The following TAL1 variants were observed in gnomAD, a reference collection of about 807,000 sequenced individuals.
The protein encoded by TAL1 is TAL bHLH transcription factor 1, erythroid differentiation factor, also known as T-cell acute lymphocytic leukemia protein 1.
A neutral mutation model predicts 17.9 loss-of-function variants in TAL1; 8 were observed. That is an observed-to-expected ratio of 0.45 (90% CI 0.26 to 0.81). The LOEUF is 0.81. TAL1 is among the 30% of genes least tolerant of loss of function. The pLI is 0.17. For missense variants in TAL1, 466 were observed against 486.9 expected (o/e 0.96, Z 0.40); for synonymous variants, 223 against 218.6 (o/e 1.02, Z -0.18).
upstream of TAL1, among the ~76,000 whole-genome samples, chr1:47,231,880 A>G (rs1644020206): frequency 6.6e-6 from 1 of 152,126 alleles, no homozygotes; most frequent in African/African-American, 2.4e-5. Flanking sequence ...CACAACCACG[A>G]AGAAGAAATG....
chr1:47,231,220 C>T (rs1644007720), upstream of TAL1: 1 of 182,230 alleles, frequency 5.5e-6, no homozygotes, highest in African/African-American at 2.3e-5. Flanking sequence ...AGCCGCCGAC[C>T]GGGCGCTGTC....
At chr1:47,218,303 C>A (rs1338400486) in exon 4 of TAL1, 1 of 232,894 alleles carries the variant, frequency 4.3e-6, no homozygotes. Context: ...CTTAAGAAAA[C>A]CACATCCCAC....
intron 1 of TAL1, among the ~76,000 whole-genome samples, chr1:47,226,964 A>G (rs1254300047): frequency 1.3e-5 from 2 of 152,212 alleles, no homozygotes; most frequent in African/African-American, 2.4e-5. Context: ...GTTCAAGTAA[A>G]CATTATTAAC....
chr1:47,225,720 G>A (rs1023479855), exon 2 of TAL1: 10 of 1,482,206 alleles, frequency 6.7e-6, no homozygotes, highest in Non-Finnish European at 8.0e-6. Flanking sequence ...GGGCCTCCGC[G>A]CGCGCCCAGT....
chr1:47,223,584 T>A (rs1431973781), intron 3 of TAL1: 1 of 160,220 alleles, frequency 6.2e-6, no homozygotes, highest in African/African-American at 2.4e-5. Context: ...AAGGAAGACT[T>A]GGGAGGAAGT....
chr1:47,219,864 C>T, exon 4 of TAL1: 2 of 1,592,958 alleles, frequency 1.3e-6, no homozygotes, highest in Non-Finnish European at 1.7e-6. Context: ...TGGGGGAAAG[C>T]ACGTCTTGCA....
chr1:47,218,099 G>C (rs1569880059), exon 4 of TAL1: 5 of 259,824 alleles, frequency 1.9e-5, no homozygotes, highest in Admixed American at 1.6e-4. Flanking sequence ...AAACTATAAG[G>C]GGGGGCTTTC....
At chr1:47,217,231 A>G in exon 4 of TAL1, 1 of 300,486 alleles carries the variant, frequency 3.3e-6, no homozygotes, top group Non-Finnish European at 6.1e-6. Context: ...AAAAAAAAAA[A>G]GTAAAAATTA....
At chr1:47,217,307 G>T (rs1402327481) in exon 4 of TAL1, 1 of 385,114 alleles carries the variant, frequency 2.6e-6, no homozygotes, top group Non-Finnish European at 4.6e-6. Context: ...AGGATTGCTT[G>T]AGCCCAGAGT....
upstream of TAL1, chr1:47,231,252 G>A (rs2148598159): frequency 5.3e-6 from 1 of 187,388 alleles, no homozygotes; most frequent in African/African-American, 2.3e-5. Flanking sequence ...GCCAACAACT[G>A]GCTCCCGAAT....
At chr1:47,223,901 C>T in intron 3 of TAL1, 103 bp downstream of exon 4, 2 of 1,170,710 alleles carry the variant, frequency 1.7e-6, no homozygotes, top group South Asian at 1.3e-5. Flanking sequence ...GTGGCCCGCC[C>T]ATCTTTGTGA....
chr1:47,225,997 C>G lies in TAL1; in HGVS notation c.-1-108G>C. On this transcript the variant is annotated intron_variant, in intron 1 of 3. Transcript: ENST00000294339. ...AAGGGCAGAGAGAGGAACTCACGCA[C>G]CGAGACGTGAGAAGAGGCAGACAAA... The G allele has an allele frequency of 3.3e-6, 4 of 1,229,124 alleles. No homozygotes were observed. The South Asian group carries it at 6.7e-5, about 21-fold the overall frequency. The allele number at this position is 1,229,124 out of a possible 1,614,324, so 76.1% of individuals were successfully genotyped here.
chr1:47,225,095 CA>C lies in TAL1; in HGVS notation c.446+347del, dbSNP rs1643886522. ...CACACTCTTTCCTGGTACCCACGCT[CA>C]GGGGACTCCTTCCTCTCCGTCCCCC... is the stretch of plus-strand genomic sequence containing the variant. On this transcript the variant is annotated intron_variant, in intron 2 of 3. Transcript: ENST00000294339. 6.6e-5 allele frequency among the ~76,000 whole-genome samples: 10 copies of C among 152,338 alleles called. No homozygotes were observed. In the South Asian group the frequency reaches 2.1e-3, roughly 32 times the overall value.
intron 2 of TAL1, among the ~76,000 whole-genome samples, chr1:47,224,435 A>G (rs1643878018): frequency 6.6e-6 from 1 of 152,036 alleles, no homozygotes; most frequent in East Asian, 1.9e-4. Context: ...CACACTTCAC[A>G]GATAGAAACA....
intron 2 of TAL1, 41 bp from the exon 4 acceptor site, chr1:47,224,139 G>A (rs765067368): frequency 1.9e-6 from 3 of 1,596,856 alleles, no homozygotes; most frequent in African/African-American, 2.7e-5. Flanking sequence ...CCCATGTTGA[G>A]GGGAGGGGAG....
At chr1:47,229,541 C>G (rs542155398) in exon 1 of TAL1, 2 of 170,500 alleles carry the variant, frequency 1.2e-5, no homozygotes, top group African/African-American at 2.4e-5. Flanking sequence ...TCCTCTACCC[C>G]CTCCTCCCCC....
At chr1:47,226,045 G>A (rs1569918118) in intron 1 of TAL1, 156 bp from the exon 3 acceptor site, 1 of 708,976 alleles carries the variant, frequency 1.4e-6, no homozygotes, top group Non-Finnish European at 2.2e-6. Flanking sequence ...TGGGGCTAGG[G>A]CGGGAGGCCG....
At chr1:47,225,661 G>A (rs1643896443) in exon 2 of TAL1, 4 of 1,402,528 alleles carry the variant, frequency 2.9e-6, no homozygotes, top group Non-Finnish European at 2.8e-6. Flanking sequence ...CCGCGTCGCG[G>A]CCCTTTAAGT....
chr1:47,218,372 C>T (rs1471838774), exon 4 of TAL1: 7 of 232,724 alleles, frequency 3.0e-5, no homozygotes. Flanking sequence ...CAAAAGGATT[C>T]TTCACTTTAC....
Sources: gnomAD v4.1 joint callset for allele counts (sites outside exome capture counted in the v4.1 genomes callset) on GRCh38, gnomAD v4.1.1 for gene constraint, MANE v1.5 for transcripts, NCBI Gene and HGNC (gene_info 2026-07-23, HGNC 2026-07-21) for gene names.